KDM4C: variants seen among roughly 807,000 people sequenced by gnomAD.
KDM4C encodes lysine demethylase 4C.
In KDM4C, 81 loss-of-function variants were observed where a neutral mutation model predicts 129.3. The ratio of observed to expected loss-of-function variants is 0.63; its 90% CI spans 0.52 to 0.75. KDM4C has a LOEUF of 0.75. KDM4C is among the 30% of genes least tolerant of loss of function. KDM4C has a pLI of 0.00. For missense variants in KDM4C, 1,457 were observed against 1,304.0 expected, an observed-to-expected ratio of 1.12 and a Z score of -1.81; for synonymous variants, 573 against 456.1, an observed-to-expected ratio of 1.26 and a Z score of -3.26.
intron 4 of KDM4C, among the ~76,000 whole-genome samples, chr9:6,830,990 T>C (rs577925377): frequency 2.0e-5 from 3 of 152,352 alleles, no homozygotes; most frequent in African/African-American, 7.2e-5. Context: ...TTTCCAGGTA[T>C]TAGTGGTTAA....
intron 8 of KDM4C, among the ~76,000 whole-genome samples, chr9:6,901,074 T>A (rs917436037): frequency 2.6e-5 from 4 of 151,984 alleles, no homozygotes; most frequent in African/African-American, 9.7e-5. Context: ...ATTCTAGACA[T>A]GGTGACTGCA....
At chr9:6,807,635 C>T (rs573344213) in intron 3 of KDM4C, among the ~76,000 whole-genome samples, 10 of 148,166 alleles carry the variant, frequency 6.7e-5, no homozygotes, top group Middle Eastern at 3.5e-3. Context: ...GTGAGGATAC[C>T]CTCTGCCTGG....
upstream of KDM4C, chr9:6,757,669 G>C (rs1413705847): frequency 1.0e-6 from 1 of 985,400 alleles, no homozygotes; most frequent in Admixed American, 6.1e-5. Context: ...CGCCCAGGAG[G>C]ACGTGTGGCG....
chr9:6,750,852 G>A (rs2130304297), intron 1 of KDM4C, among the ~76,000 whole-genome samples: 1 of 152,316 alleles, frequency 6.6e-6, no homozygotes, highest in East Asian at 1.9e-4. Flanking sequence ...ACAGTTAACT[G>A]CTGGTTTTGC....
chr9:7,128,021 T>C lies in KDM4C; in HGVS notation c.2611-45T>C. The stretch of plus-strand genomic sequence containing the variant: ...TTTTATTTTACGTCCTTTCTTTTCC[T>C]GTTCTCTTACTTCTTTTCTTCCTTT... On this transcript the variant is annotated intron_variant, in intron 18 of 21. Coordinates refer to ENST00000381309, the MANE Select transcript of KDM4C (RefSeq NM_015061.6). The C allele has an allele frequency of 3.0e-6, 4 of 1,328,194 alleles. No homozygotes were observed. In the African/African-American group the frequency reaches 6.0e-5, roughly 20 times the overall value. The allele number at this position is 1,328,194 out of a possible 1,614,324, so 82.3% of individuals were successfully genotyped here. A position where few individuals can be genotyped will look rare whatever the true frequency, so the allele number is the denominator to read the frequency against.
intron 8 of KDM4C, among the ~76,000 whole-genome samples, chr9:6,944,020 A>C (rs1187351356): frequency 6.6e-6 from 1 of 152,218 alleles, no homozygotes; most frequent in Non-Finnish European, 1.5e-5. Context: ...AAATGTAAAA[A>C]TGTCATAATG....
intron 17 of KDM4C, among the ~76,000 whole-genome samples, chr9:7,058,353 A>G (rs1444831377): frequency 6.6e-6 from 1 of 152,238 alleles, no homozygotes; most frequent in African/African-American, 2.4e-5. Context: ...CTGATGTGGC[A>G]GTAAATAAGA....
At chr9:7,122,248 C>CAA (rs1384606399) in intron 18 of KDM4C, among the ~76,000 whole-genome samples, 3 of 122,048 alleles carry the variant, frequency 2.5e-5, no homozygotes, top group African/African-American at 9.8e-5. Flanking sequence ...GCCACACACA[C>CAA]ACACACACAC....
At chr9:6,954,946 T>A (rs1295613743) in intron 8 of KDM4C, among the ~76,000 whole-genome samples, 3 of 152,236 alleles carry the variant, frequency 2.0e-5, no homozygotes, top group Non-Finnish European at 4.4e-5. Flanking sequence ...TTTGCTTCAG[T>A]CTCTAGTACT....
Position 6,829,200 on chromosome 9 carries a change from A to C in KDM4C, c.435+14455A>C, listed in dbSNP as rs536539327. ...TGGCATGAATACTACACACAGTAGGAGTGTAAAGAGGTGAAGATTACTGGG... is the reference window on the plus strand; with the variant it reads ...TGGCATGAATACTACACACAGTAGGCGTGTAAAGAGGTGAAGATTACTGGG... On this transcript the variant is annotated intron_variant, in intron 4 of 21. Transcript: ENST00000381309. Among the ~76,000 whole-genome samples, 137 of 152,294 alleles carry C rather than the reference A, an allele frequency of 9.0e-4. 1 individual carries two copies. Among genetic ancestry groups the C allele is most frequent in the African/African-American group, 2.5e-3 (102 of 41,546 alleles).
chr9:7,105,953 GA>G (rs939403743), intron 18 of KDM4C, among the ~76,000 whole-genome samples: 2 of 152,126 alleles, frequency 1.3e-5, no homozygotes, highest in African/African-American at 4.8e-5. Context: ...AAAGACTGGG[GA>G]AAAGATCATA....
At position 6,998,279 on chromosome 9, in the gene KDM4C, G is replaced by A. The variant is rs148156782; in HGVS notation, c.1786+7755G>A. Among the ~76,000 whole-genome samples, 7 of 152,264 alleles carry A rather than the reference G, an allele frequency of 4.6e-5. No individual in the cohort carries two copies. In the East Asian group the frequency reaches 1.4e-3, roughly 29 times the overall value. Reference sequence around the variant, plus strand: ...TATATATAATATTTTATTCAGTAATGGATTGAGTGTTTAAATATACAGACA... The same window carrying A: ...TATATATAATATTTTATTCAGTAATAGATTGAGTGTTTAAATATACAGACA... On this transcript the variant is annotated intron_variant, in intron 12 of 21. Coordinates refer to ENST00000381309, the MANE Select transcript of KDM4C (RefSeq NM_015061.6).
intron 1 of KDM4C, among the ~76,000 whole-genome samples, chr9:6,792,610 A>G (rs1264014194): frequency 6.6e-6 from 1 of 152,028 alleles, no homozygotes; most frequent in Admixed American, 6.6e-5. Flanking sequence ...TCTGGTCTCG[A>G]ACTCCTGACC....
At chr9:6,734,387 C>T (rs772486921) in intron 1 of KDM4C, among the ~76,000 whole-genome samples, 1 of 151,300 alleles carries the variant, frequency 6.6e-6, no homozygotes, top group South Asian at 2.1e-4. Flanking sequence ...CTCTGCCTCC[C>T]GGGTTCAAGT....
At chr9:6,831,058 C>G (rs1304623766) in intron 4 of KDM4C, among the ~76,000 whole-genome samples, 1 of 152,212 alleles carries the variant, frequency 6.6e-6, no homozygotes, top group African/African-American at 2.4e-5. Flanking sequence ...GTGGTACTCA[C>G]TTTTCCTTTT....
chr9:7,117,059 A>C (rs10976045), intron 18 of KDM4C, among the ~76,000 whole-genome samples: 66,896 of 151,998 alleles, frequency 0.44, 15,098 homozygotes, highest in East Asian at 0.76. Flanking sequence ...GATTATACCC[A>C]TGTGACAGGT....
At chr9:7,056,690 A>C (rs528022925) in intron 17 of KDM4C, among the ~76,000 whole-genome samples, 1 of 152,240 alleles carries the variant, frequency 6.6e-6, no homozygotes, top group Admixed American at 6.5e-5. Flanking sequence ...CCTGAGGGCT[A>C]ATTTTAAAAA....
intron 17 of KDM4C, among the ~76,000 whole-genome samples, chr9:7,066,255 A>G (rs1587397820): frequency 6.6e-6 from 1 of 152,168 alleles, no homozygotes; most frequent in African/African-American, 2.4e-5. Context: ...TGGACAGGTC[A>G]TCCCTCTCAT....
At chr9:6,957,525 TAGC>T (rs1563883497) in intron 8 of KDM4C, among the ~76,000 whole-genome samples, 1 of 152,046 alleles carries the variant, frequency 6.6e-6, no homozygotes, top group East Asian at 1.9e-4. Flanking sequence ...TCTGCAGTAA[TAGC>T]AGCCACAGTG....
Sources: allele counts gnomAD v4.1 joint callset (sites outside exome capture counted in the v4.1 genomes callset), GRCh38; gene constraint gnomAD v4.1.1; transcripts MANE v1.5; gene names NCBI Gene and HGNC (gene_info 2026-07-23, HGNC 2026-07-21).